The following GPHN variants were observed in gnomAD, a reference collection of about 807,000 sequenced individuals.
GPHN encodes gephyrin.
GPHN carries 17 observed loss-of-function variants against 95.5 expected under a neutral mutation model. The ratio of observed to expected loss-of-function variants is 0.18; its 90% CI spans 0.12 to 0.27. The LOEUF (loss-of-function observed/expected upper bound fraction) is 0.27, where lower values mean the gene tolerates loss of function less well. GPHN is among the 10% of genes least tolerant of loss of function. The pLI is 1.00. For synonymous variants in GPHN, 320 were observed against 322.5 expected, an observed-to-expected ratio of 0.99 and a Z score of 0.08; for missense variants, 660 against 978.1, an observed-to-expected ratio of 0.67 and a Z score of 4.34.
At chr14:66,899,737 C>T (rs2065037205) in intron 5 of GPHN, among the ~76,000 whole-genome samples, 1 of 151,654 alleles carries the variant, frequency 6.6e-6, no homozygotes, top group South Asian at 2.1e-4. Flanking sequence ...CTTTTTTATA[C>T]TATCTTCATC....
intron 3 of GPHN, among the ~76,000 whole-genome samples, chr14:66,793,907 T>C (rs1487027518): frequency 6.6e-6 from 1 of 151,686 alleles, no homozygotes; most frequent in African/African-American, 2.4e-5. Context: ...TAGAGAAAAA[T>C]GGCAAATGTA....
intron 17 of GPHN, among the ~76,000 whole-genome samples, chr14:67,128,836 C>A (rs1422666908): frequency 6.8e-6 from 1 of 147,346 alleles, no homozygotes; most frequent in South Asian, 2.2e-4. Flanking sequence ...TTTTTTGAGA[C>A]GGAGTTTCGC....
At chr14:67,631,882 A>T in the GPHN span, among the ~76,000 whole-genome samples, 1 of 150,950 alleles carries the variant, frequency 6.6e-6, no homozygotes, top group Non-Finnish European at 1.5e-5. Flanking sequence ...CTATTTTTTT[A>T]AAAATTTTTT....
chr14:67,595,951 T>C, the GPHN span, among the ~76,000 whole-genome samples: 1 of 152,222 alleles, frequency 6.6e-6, no homozygotes, highest in Non-Finnish European at 1.5e-5. Flanking sequence ...TTAGTTGTTC[T>C]GTGTTACTTA....
chr14:67,243,435 G>A, the GPHN span, among the ~76,000 whole-genome samples: 3 of 150,144 alleles, frequency 2.0e-5, no homozygotes, highest in African/African-American at 7.4e-5. Flanking sequence ...TGATCCACCC[G>A]CCTCGGCCTC....
chr14:67,378,705 G>A, the GPHN span, among the ~76,000 whole-genome samples: 452 of 152,258 alleles, frequency 3.0e-3, 4 homozygotes, highest in African/African-American at 0.01. Context: ...AAACCTTGGC[G>A]TGTGTTATTC....
chr14:66,722,894 G>T (rs890918119), intron 2 of GPHN, among the ~76,000 whole-genome samples: 2 of 152,112 alleles, frequency 1.3e-5, no homozygotes, highest in Non-Finnish European at 2.9e-5. Flanking sequence ...TTTTTGTCCT[G>T]TTCTTTTTTC....
At chr14:67,272,910 C>A in the GPHN span, among the ~76,000 whole-genome samples, 1,675 of 152,202 alleles carry the variant, frequency 0.011, 19 homozygotes, top group Middle Eastern at 0.017. Context: ...CTTAAGTGAT[C>A]CACAGCCTCA....
the GPHN span, among the ~76,000 whole-genome samples, chr14:67,491,171 G>A: frequency 6.6e-6 from 1 of 152,126 alleles, no homozygotes; most frequent in Non-Finnish European, 1.5e-5. Context: ...AGAACCCGGG[G>A]AAACACTTAC....
the GPHN span, among the ~76,000 whole-genome samples, chr14:67,283,965 G>C: frequency 6.6e-6 from 1 of 152,154 alleles, no homozygotes; most frequent in Non-Finnish European, 1.5e-5. Context: ...AGGGATAATA[G>C]AGTCAAAACT....
At chr14:67,344,042 C>T in the GPHN span, among the ~76,000 whole-genome samples, 1 of 152,188 alleles carries the variant, frequency 6.6e-6, no homozygotes, top group Non-Finnish European at 1.5e-5. Context: ...GTTTCTCAGA[C>T]TGCTGACATA....
At chr14:66,582,016 C>T (rs534373426) in intron 1 of GPHN, among the ~76,000 whole-genome samples, 3 of 152,142 alleles carry the variant, frequency 2.0e-5, no homozygotes, top group African/African-American at 7.2e-5. Flanking sequence ...TGAACTACAT[C>T]TTAGACCAAA....
chr14:67,313,123 C>T, the GPHN span, among the ~76,000 whole-genome samples: 4 of 152,088 alleles, frequency 2.6e-5, no homozygotes, highest in Admixed American at 1.3e-4. Context: ...TTGTACCAAA[C>T]GTGATCTTAG....
the GPHN span, among the ~76,000 whole-genome samples, chr14:67,730,095 G>C: frequency 2.5e-4 from 38 of 152,280 alleles, 2 homozygotes; most frequent in African/African-American, 9.1e-4. Context: ...TAATGTGTTT[G>C]GTACTCAGTT....
intron 12 of GPHN, among the ~76,000 whole-genome samples, chr14:67,094,132 C>G (rs2077251022): frequency 6.6e-6 from 1 of 152,066 alleles, no homozygotes; most frequent in Admixed American, 6.5e-5. Flanking sequence ...AAAGAAAGAT[C>G]ACTATGGCTG....
intron 12 of GPHN, among the ~76,000 whole-genome samples, chr14:67,094,457 C>A (rs149674891): frequency 2.7e-3 from 413 of 152,244 alleles, no homozygotes; most frequent in African/African-American, 9.4e-3. Flanking sequence ...AAAAGAAATT[C>A]ATTAGCAGAT....
chr14:67,689,781 TAAAAATAC>T, the GPHN span, among the ~76,000 whole-genome samples: 3 of 151,952 alleles, frequency 2.0e-5, no homozygotes, highest in Non-Finnish European at 2.9e-5. Flanking sequence ...CTGTCTCTAC[TAAAAATAC>T]AAAAATTAGC....
At chr14:67,379,654 C>CTTTTTTTTTT in the GPHN span, among the ~76,000 whole-genome samples, 2,666 of 119,514 alleles carry the variant, frequency 0.022, 227 homozygotes, top group East Asian at 0.17. Flanking sequence ...TTTTCTTTTT[C>CTTTTTTTTTT]TTTTTTTTTT....
At chr14:66,583,999 T>G (rs991079701) in intron 1 of GPHN, among the ~76,000 whole-genome samples, 1 of 152,214 alleles carries the variant, frequency 6.6e-6, no homozygotes, top group African/African-American at 2.4e-5. Context: ...TTCACGATAC[T>G]GATTCTTCCT....
Sources: gnomAD v4.1 joint callset for allele counts (sites outside exome capture counted in the v4.1 genomes callset) on GRCh38, gnomAD v4.1.1 for gene constraint, MANE v1.5 for transcripts, NCBI Gene and HGNC (gene_info 2026-07-23, HGNC 2026-07-21) for gene names.